The following CASK variants were observed in gnomAD, a reference collection of about 807,000 sequenced individuals.
The protein encoded by CASK is peripheral plasma membrane protein CASK.
A neutral mutation model predicts 82.9 loss-of-function variants in CASK; 4 were observed. The ratio of observed to expected loss-of-function variants is 0.05; its 90% confidence interval spans 0.02 to 0.11. CASK has a LOEUF of 0.11. CASK is among the 10% of genes least tolerant of loss of function. The pLI is 1.00. For synonymous variants in CASK, 259 were observed against 253.5 expected (o/e 1.02, Z -0.20); for missense variants, 358 against 720.9 (o/e 0.50, Z 5.76).
chrX:41,839,116 G>T (rs1220656432), intron 2 of CASK, among the ~76,000 whole-genome samples: 1 of 111,384 alleles, frequency 9.0e-6, no homozygotes, highest in African/African-American at 3.3e-5. Flanking sequence ...TTTCAAAATT[G>T]TTTTAGCTAT....
chrX:41,611,827 T>C (rs1027987955), intron 11 of CASK, among the ~76,000 whole-genome samples: 52 of 110,608 alleles, frequency 4.7e-4, no homozygotes, highest in African/African-American at 1.7e-3. Flanking sequence ...GCCTGCCGAG[T>C]GCCTGCGATT....
At chrX:41,790,765 A>C (rs1050654863) in intron 2 of CASK, among the ~76,000 whole-genome samples, 3 of 112,510 alleles carry the variant, frequency 2.7e-5, no homozygotes, top group African/African-American at 9.7e-5. Context: ...AATAGCTCAA[A>C]TAGCACAATT....
intron 3 of CASK, among the ~76,000 whole-genome samples, chrX:41,766,234 G>C (rs1027648208): frequency 8.9e-6 from 1 of 111,905 alleles, no homozygotes; most frequent in Non-Finnish European, 1.9e-5. Context: ...CCCTTCGGAT[G>C]AAAAGAAGTG....
At chrX:41,847,905 T>C (rs1364947350) in intron 2 of CASK, among the ~76,000 whole-genome samples, 1 of 112,269 alleles carries the variant, frequency 8.9e-6, no homozygotes, top group Admixed American at 9.4e-5. Context: ...CCTGTTTATG[T>C]AGCCTGAAAG....
chrX:41,563,057 A>AAG (rs1015164281), intron 16 of CASK, among the ~76,000 whole-genome samples: 1 of 103,695 alleles, frequency 9.6e-6, no homozygotes, highest in African/African-American at 3.5e-5. Context: ...AAAAAAAAAA[A>AAG]AAAAAAAAGA....
intron 2 of CASK, among the ~76,000 whole-genome samples, chrX:41,808,668 T>C (rs755335840): frequency 8.9e-6 from 1 of 112,356 alleles, no homozygotes; most frequent in Admixed American, 9.4e-5. Flanking sequence ...GGGTGATTTC[T>C]GCATTTCCAA....
At position 41,781,441 on chromosome X, in the gene CASK, C is replaced by T. The variant is rs2069473146; in HGVS notation, c.278+5737G>A. Among the ~76,000 whole-genome samples the T allele has an allele frequency of 2.7e-5, 3 of 112,637 alleles. No individual in the cohort carries two copies. The Admixed American group carries it at 2.8e-4, about 11-fold the overall frequency. ...CTTTTCTCCACCAAAATGATAAATG[C>T]TGCTTCTAAGTAGCCAACAAACAAC... On this transcript the variant is annotated intron_variant, in intron 3 of 26. Coordinates refer to ENST00000378163, the MANE Select transcript of CASK (RefSeq NM_001367721.1).
intron 8 of CASK, among the ~76,000 whole-genome samples, chrX:41,659,023 T>C (rs1273362875): frequency 1.8e-5 from 2 of 111,058 alleles, no homozygotes; most frequent in Non-Finnish European, 3.8e-5. Flanking sequence ...GTATTATGTC[T>C]ATATAAGAGT....
chrX:41,549,662 A>G (rs1458935367), intron 21 of CASK, among the ~76,000 whole-genome samples: 1 of 109,625 alleles, frequency 9.1e-6, no homozygotes, highest in African/African-American at 3.3e-5. Context: ...CAACATAGTG[A>G]GATCTCATCT....
chrX:41,659,450 A>T (rs2066996344), intron 8 of CASK, among the ~76,000 whole-genome samples: 1 of 108,805 alleles, frequency 9.2e-6, no homozygotes, highest in South Asian at 4.0e-4. Flanking sequence ...CTGGTCTCAA[A>T]CTCCTGACCT....
chrX:41,559,856 G>A lies in CASK; in HGVS notation c.1669-9C>T. The A allele has an allele frequency of 1.7e-6, 2 of 1,198,834 alleles. No individual in the cohort carries two copies. Among genetic ancestry groups the A allele is most frequent in the African/African-American group, 1.7e-5 (1 of 57,623 alleles). ...CTCCCCCGCATTTCCCTCTGGAGGG[G>A]GGGTGGTGGGAAAGAAAGAAAAGTT... is the stretch of plus-strand genomic sequence containing the variant. On this transcript the variant is annotated splice_polypyrimidine_tract_variant and intron_variant, in intron 17 of 26. Transcript: ENST00000378163.
intron 2 of CASK, among the ~76,000 whole-genome samples, chrX:41,789,059 A>C (rs2069667670): frequency 9.0e-6 from 1 of 111,612 alleles, no homozygotes. Context: ...CCTTCCAATA[A>C]TGCCATGCTG....
intron 3 of CASK, among the ~76,000 whole-genome samples, chrX:41,769,771 ATGTC>A (rs1295142443): frequency 9.1e-6 from 1 of 110,447 alleles, no homozygotes; most frequent in Non-Finnish European, 1.9e-5. Flanking sequence ...CAGTGAGACT[ATGTC>A]TGTACTAAAA....
At chrX:41,917,849 T>C (rs902345200) in intron 1 of CASK, among the ~76,000 whole-genome samples, 1 of 111,444 alleles carries the variant, frequency 9.0e-6, no homozygotes, top group Non-Finnish European at 1.9e-5. Flanking sequence ...GGAATCAATA[T>C]TGCTTCCCCA....
intron 3 of CASK, among the ~76,000 whole-genome samples, chrX:41,756,565 T>G (rs1302056145): frequency 8.9e-6 from 1 of 112,455 alleles, no homozygotes; most frequent in African/African-American, 3.2e-5. Flanking sequence ...ACTGCTTGGT[T>G]TATTTTATAT....
At chrX:41,819,575 T>C (rs987661296) in intron 2 of CASK, among the ~76,000 whole-genome samples, 1 of 111,127 alleles carries the variant, frequency 9.0e-6, no homozygotes, top group African/African-American at 3.3e-5. Context: ...GAGAAAATAA[T>C]GAGCTAATTA....
chrX:41,896,496 CAT>C (rs1470841242), intron 1 of CASK, among the ~76,000 whole-genome samples: 1 of 111,795 alleles, frequency 8.9e-6, no homozygotes, highest in Non-Finnish European at 1.9e-5. Context: ...GGACATTAGA[CAT>C]AGCATATAAG....
At chrX:41,795,265 T>A (rs1022636531) in intron 2 of CASK, among the ~76,000 whole-genome samples, 1 of 112,481 alleles carries the variant, frequency 8.9e-6, no homozygotes, top group Admixed American at 9.4e-5. Flanking sequence ...TTTTGATAAA[T>A]ACTTTGAAAT....
chrX:41,605,085 G>A (rs1218377841), intron 12 of CASK, among the ~76,000 whole-genome samples: 1 of 112,040 alleles, frequency 8.9e-6, no homozygotes, highest in Non-Finnish European at 1.9e-5. Context: ...AGAAGTCATA[G>A]ATAATCTTTA....
Sources: gnomAD v4.1 joint callset for allele counts (sites outside exome capture counted in the v4.1 genomes callset) on GRCh38, gnomAD v4.1.1 for gene constraint, MANE v1.5 for transcripts, NCBI Gene and HGNC (gene_info 2026-07-23, HGNC 2026-07-21) for gene names.